The following SI variants were observed in gnomAD, a reference collection of about 807,000 sequenced individuals.
SI encodes the protein sucrase-isomaltase, intestinal.
SI carries 235 observed loss-of-function variants against 253.3 expected under a neutral mutation model. The ratio of observed to expected loss-of-function variants is 0.93; its 90% CI spans 0.83 to 1.03. The LOEUF is 1.03. Ranked by LOEUF, SI falls within the 50% of genes least tolerant of loss-of-function variation. The probability of loss-of-function intolerance (pLI) is 0.00; values close to 1 mark genes in which losing one functional copy is unlikely to be tolerated. For synonymous variants in SI, 819 were observed against 712.0 expected, an observed-to-expected ratio of 1.15 and a Z score of -2.39; for missense variants, 2,442 against 2,211.1, an observed-to-expected ratio of 1.10 and a Z score of -2.09.
intron 7 of SI, 49 bp from the exon 8 acceptor site, chr3:165,063,590 C>A: frequency 1.2e-6 from 1 of 809,892 alleles, no homozygotes; most frequent in South Asian, 1.5e-5. Flanking sequence ...GTTTAAAACA[C>A]AAAAAGATTA....
chr3:165,039,581 C>A (rs1346988475), intron 19 of SI, among the ~76,000 whole-genome samples: 1 of 151,916 alleles, frequency 6.6e-6, no homozygotes, highest in Non-Finnish European at 1.5e-5. Flanking sequence ...TATATGTCTA[C>A]TTAAATGAGA....
Position 165,063,551 on chromosome 3 carries a change from A to G in SI, c.808-10T>C, listed in dbSNP as rs764473126. On this transcript the variant is annotated splice_polypyrimidine_tract_variant and intron_variant, in intron 7 of 47. Coordinates refer to ENST00000264382, the MANE Select transcript of SI (RefSeq NM_001041.4). ...ATAAATTATTATTATTCTATAAGGC[A>G]AGAATTTGAAAATACGATTTTCAAA... The G allele has an allele frequency of 2.5e-6, 3 of 1,180,414 alleles. No individual in the cohort carries two copies. Among genetic ancestry groups the G allele is most frequent in the Non-Finnish European group, 3.8e-6 (3 of 794,152 alleles). 73.1% of individuals were successfully genotyped at this position (1,180,414 alleles called of 1,614,324 possible). A position where few individuals can be genotyped will look rare whatever the true frequency, so the allele number is the denominator to read the frequency against.
In SI at chr3:165,036,369, C is replaced by A. The variant is rs764134002; in HGVS notation, c.2515+20G>T. 30 of 1,532,476 alleles carry A rather than the reference C, an allele frequency of 2.0e-5. No individual in the cohort carries two copies. The highest frequency in any genetic ancestry group is 2.3e-5 in the Non-Finnish European group (26 of 1,106,664). 94.9% of individuals were successfully genotyped at this position (1,532,476 alleles called of 1,614,324 possible). A position where few individuals can be genotyped will look rare whatever the true frequency, so the allele number is the denominator to read the frequency against. ...CCATTATCAGAGTGAACATTTAAAG[C>A]GTATTACTTTCAGACTTACCTTTAG... On this transcript the variant is annotated intron_variant, in intron 22 of 47. Transcript: ENST00000264382.
intron 38 of SI, among the ~76,000 whole-genome samples, chr3:164,998,080 T>A (rs535713042): frequency 7.2e-5 from 11 of 151,926 alleles, no homozygotes; most frequent in African/African-American, 2.4e-4. Flanking sequence ...GTCATTCTGT[T>A]TTTAGCTGTT....
At position 165,015,145 on chromosome 3, in the gene SI, G is replaced by A. The variant is rs1334719838; in HGVS notation, c.3977C>T (p.Thr1326Ile). The A allele has an allele frequency of 9.3e-6, 15 of 1,611,692 alleles. No homozygotes were observed. Among genetic ancestry groups the A allele is most frequent in the Non-Finnish European group, 1.3e-5 (15 of 1,178,202 alleles). Residue 1326 changes from threonine (T) to isoleucine (I), a missense_variant, in exon 33 of 48, where the codon ACC becomes ATC. Thr to Ile is a moderately conservative substitution (Grantham distance 89). Transcript: ENST00000264382. Reference sequence around the variant, plus strand: ...TACCTTTGCCCAACAAATGTCATTGGTGTTTGGCCATTTGACAAAGACATC... The same window carrying A: ...TACCTTTGCCCAACAAATGTCATTGATGTTTGGCCATTTGACAAAGACATC... Reference protein sequence around the residue: ...QNDVFVKWPNTNDICWAKVWP... With the variant: ...QNDVFVKWPNINDICWAKVWP...
chr3:165,046,867 C>A lies in SI; in HGVS notation c.1861G>T (p.Glu621Ter), dbSNP rs750691665. The A allele has an allele frequency of 1.2e-6, 2 of 1,613,016 alleles. No homozygotes were observed. The highest frequency in any genetic ancestry group is 1.7e-5 in the Admixed American group (1 of 59,956). The change falls in exon 16 of 48, where the codon GAG becomes TAG. Residue 621 changes from glutamate (E) to a stop codon, truncating the protein, a stop_gained. Transcript: ENST00000264382. LOFTEE classifies it high-confidence loss of function. ...QMEWSITGMLEFSLFGIPLVG... is the reference protein window; with the variant it reads ...QMEWSITGML The stretch of plus-strand genomic sequence containing the variant: ...AAAGGTATTCCAAACAAACTGAACT[C>A]CAGCATTCCAGTTATAGACCATTCC...
chr3:165,027,544 A>C (rs903681147), intron 25 of SI, among the ~76,000 whole-genome samples: 1 of 151,504 alleles, frequency 6.6e-6, no homozygotes, highest in African/African-American at 2.4e-5. Flanking sequence ...CATAGATGCA[A>C]GAATCCTTAA....
chr3:165,021,725 ATTTT>A (rs1051086895), intron 26 of SI, among the ~76,000 whole-genome samples: 1 of 151,590 alleles, frequency 6.6e-6, no homozygotes, highest in South Asian at 2.1e-4. Flanking sequence ...TTGTTTCAAT[ATTTT>A]TTGTCATACA....
At chr3:164,983,799 C>A (rs1218696201) in intron 45 of SI, among the ~76,000 whole-genome samples, 1 of 151,712 alleles carries the variant, frequency 6.6e-6, no homozygotes, top group Non-Finnish European at 1.5e-5. Context: ...CCCTATGTTG[C>A]CCAGGTTTGT....
At chr3:165,067,630 T>A in intron 5 of SI, 139 bp from the exon 6 acceptor site, 1 of 716,410 alleles carries the variant, frequency 1.4e-6, no homozygotes, top group Non-Finnish European at 2.3e-6. Context: ...TTCAGAACCT[T>A]AATTTTAATA....
chr3:165,027,749 C>T lies in SI; in HGVS notation c.2892+2963G>A, dbSNP rs182102216. ...AATAGACACAGAAAAACATTTTAAA[C>T]ATCCAGCATTCAGCAAAATCGGCAA... On this transcript the variant is annotated intron_variant, in intron 25 of 47. Transcript: ENST00000264382. Among the ~76,000 whole-genome samples the T allele has an allele frequency of 2.7e-5, 4 of 149,720 alleles. No individual in the cohort carries two copies. The East Asian group carries it at 7.9e-4, about 30-fold the overall frequency.
At chr3:165,036,792 T>C (rs1712556897) in intron 21 of SI, among the ~76,000 whole-genome samples, 1 of 151,686 alleles carries the variant, frequency 6.6e-6, no homozygotes, top group Non-Finnish European at 1.5e-5. Flanking sequence ...CAAGAAAAAT[T>C]AAATGTCTTA....
intron 41 of SI, among the ~76,000 whole-genome samples, chr3:164,993,211 G>A (rs1010246063): frequency 1.3e-5 from 2 of 151,636 alleles, no homozygotes; most frequent in Admixed American, 1.3e-4. Context: ...CAGCCCAGAG[G>A]TGATACTCCA....
chr3:165,063,639 T>A (rs1271244906), intron 7 of SI, 98 bp from the exon 8 acceptor site: 2 of 615,654 alleles, frequency 3.2e-6, no homozygotes, highest in Non-Finnish European at 5.9e-6. Flanking sequence ...TTTGTTGCTA[T>A]AATTTACTTC....
Position 165,019,691 on chromosome 3 carries a change from A to G in SI, c.3334T>C (p.Tyr1112His). ...ISTRLPSEYI[Y>H]GFGEVEHTAF... Reference sequence around the variant, plus strand: ...GTATGTTCCACTTCCCCAAAACCATATATATATTCTGATGGCAGGCGAGTC... The same window carrying G: ...GTATGTTCCACTTCCCCAAAACCATGTATATATTCTGATGGCAGGCGAGTC... Residue 1112 changes from tyrosine to histidine, a missense_variant, in exon 28 of 48, where the codon TAT (tyrosine) becomes CAT (histidine). Tyr to His is a moderately conservative substitution (Grantham distance 83). Coordinates refer to ENST00000264382, the MANE Select transcript of SI (RefSeq NM_001041.4). 2 of 1,612,616 alleles carry G rather than the reference A, an allele frequency of 1.2e-6. No homozygotes were observed. Among genetic ancestry groups the G allele is most frequent in the Non-Finnish European group, 1.7e-6 (2 of 1,179,022 alleles).
chr3:165,063,688 G>A (rs1048013652), intron 7 of SI, 147 bp from the exon 8 acceptor site: 3 of 457,514 alleles, frequency 6.6e-6, no homozygotes, highest in Non-Finnish European at 1.2e-5. Context: ...ATATGTACCA[G>A]TGAAATATTA....
At chr3:165,053,666 G>A (rs1701404718) in intron 13 of SI, among the ~76,000 whole-genome samples, 1 of 152,060 alleles carries the variant, frequency 6.6e-6, no homozygotes, top group African/African-American at 2.4e-5. Flanking sequence ...CACTTTGGAG[G>A]TGAATCAGGA....
At chr3:165,019,921 A>G (rs1278785013) in intron 27 of SI, 151 bp from the exon 28 acceptor site, 6 of 727,198 alleles carry the variant, frequency 8.3e-6, no homozygotes, top group Non-Finnish European at 9.4e-6. Flanking sequence ...GAAATAGATG[A>G]TTAATCTAAT....
intron 12 of SI, among the ~76,000 whole-genome samples, chr3:165,058,170 A>G (rs909717864): frequency 5.3e-5 from 8 of 152,134 alleles, no homozygotes; most frequent in East Asian, 1.9e-4. Context: ...AAATTGAACA[A>G]TATGCTCCTG....
Sources: gnomAD v4.1 joint callset for allele counts (sites outside exome capture counted in the v4.1 genomes callset) on GRCh38, gnomAD v4.1.1 for gene constraint, MANE v1.5 for transcripts, NCBI Gene and HGNC (gene_info 2026-07-23, HGNC 2026-07-21) for gene names.